Variants in OTOGL observed in about 807,000 individuals in gnomAD.
OTOGL encodes otogelin like, also known as otogelin-like protein.
In OTOGL, 285 loss-of-function variants were observed where a neutral mutation model predicts 318.5. That is an observed-to-expected ratio of 0.89 (90% CI 0.81 to 0.99). The LOEUF (loss-of-function observed/expected upper bound fraction) is 0.99, where lower values mean the gene tolerates loss of function less well. OTOGL is among the 50% of genes least tolerant of loss of function. The pLI, the probability that OTOGL is intolerant of heterozygous loss-of-function variation, is 0.00. For synonymous variants in OTOGL, 987 were observed against 936.5 expected (o/e 1.05, Z -0.99); for missense variants, 2,899 against 2,845.6 (o/e 1.02, Z -0.43).
In OTOGL at chr12:80,323,133, CACACACACACACACAT is replaced by C. The variant is rs1334466934; in HGVS notation, c.4082-588_4082-573del. ...ACACACACACACACACACACACACA[CACACACACACACACAT>C]ATATAAAATATTTTGAATTTTCCTC... On this transcript the variant is annotated intron_variant, in intron 34 of 58. Coordinates refer to ENST00000547103, the MANE Select transcript of OTOGL (RefSeq NM_001378609.3). Among the ~76,000 whole-genome samples the C allele has an allele frequency of 1.2e-3, 139 of 112,528 alleles. 2 individuals carry two copies. Among genetic ancestry groups the C allele is most frequent in the Admixed American group, 2.1e-3 (22 of 10,284 alleles). The allele number at this position is 112,528 out of a possible 152,430, so 73.8% of individuals were successfully genotyped here.
In OTOGL at chr12:80,146,075, C is replaced by G. The variant is rs189932719; in HGVS notation, c.-20+46470C>G. On this transcript the variant is annotated intron_variant, in intron 1 of 58. Transcript: ENST00000547103. ...TCCTTCTCCTGCCTAATTGCCCTGG[C>G]CAGAACTTCCAACACCCTGTTGAAT... Among the ~76,000 whole-genome samples, 65 of 150,892 alleles carry G rather than the reference C, an allele frequency of 4.3e-4. 1 individual carries two copies. The highest frequency in any genetic ancestry group is 1.6e-3 in the African/African-American group (64 of 40,182).
chr12:80,291,235 C>T (rs1885023266), intron 26 of OTOGL, among the ~76,000 whole-genome samples: 1 of 152,140 alleles, frequency 6.6e-6, no homozygotes, highest in Non-Finnish European at 1.5e-5. Context: ...AGTTTCTTTT[C>T]AAATGATATT....
At chr12:80,171,250 T>G (rs1397081425) in intron 1 of OTOGL, among the ~76,000 whole-genome samples, 2 of 152,114 alleles carry the variant, frequency 1.3e-5, no homozygotes, top group Non-Finnish European at 2.9e-5. Context: ...AATTTTTTTT[T>G]GTATTTTTTT....
At chr12:80,184,401 A>T (rs1875140308) in intron 1 of OTOGL, among the ~76,000 whole-genome samples, 2 of 152,186 alleles carry the variant, frequency 1.3e-5, no homozygotes, top group African/African-American at 4.8e-5. Context: ...ATTCTAGCTA[A>T]TGTAAAGGAG....
chr12:80,170,225 G>T (rs1874110280), intron 1 of OTOGL, among the ~76,000 whole-genome samples: 1 of 150,364 alleles, frequency 6.7e-6, no homozygotes, highest in Non-Finnish European at 1.5e-5. Flanking sequence ...ATGTATGTGT[G>T]TGTGTGTATG....
At chr12:80,356,722 T>G (rs1889926855) in intron 48 of OTOGL, 85 bp from the exon 49 acceptor site, 2 of 739,956 alleles carry the variant, frequency 2.7e-6, no homozygotes, top group Admixed American at 3.5e-5. Context: ...ATAAGTTATT[T>G]ATTACTAAAT....
rs531778137 is a variant in OTOGL, at chr12:80,307,630, C to A, written c.3333+1935C>A. On this transcript the variant is annotated intron_variant, in intron 29 of 58. Coordinates refer to ENST00000547103, the MANE Select transcript of OTOGL (RefSeq NM_001378609.3). ...GGCGGGGGGCTGACCCCCCCACCTC[C>A]CTCCTGGATGGGACGGCTGGCCGGG... 2.8e-5 allele frequency among the ~76,000 whole-genome samples: 4 copies of A among 143,728 alleles called. No homozygotes were observed. The South Asian group carries it at 8.9e-4, about 32-fold the overall frequency. 94.3% of individuals were successfully genotyped at this position (143,728 alleles called of 152,430 possible).
intron 1 of OTOGL, among the ~76,000 whole-genome samples, chr12:80,195,862 G>A (rs1876024984): frequency 6.6e-6 from 1 of 152,178 alleles, no homozygotes; most frequent in Non-Finnish European, 1.5e-5. Flanking sequence ...ACAAAGTAGG[G>A]TCCTCCCCTT....
rs1300056556 is a variant in OTOGL, at chr12:80,278,184, G to A, written c.2698G>A (p.Gly900Arg). ...VCAPGMAEHRGKCYVPESCPC... is the reference protein window; with the variant it reads ...VCAPGMAEHRRKCYVPESCPC... ...ATTTGGAAGAATGGCAGAGCACAGA[G>A]GAAAGTGTTATGTTCCTGAAAGCTG... The change falls in exon 25 of 59, where the codon GGA becomes AGA. Residue 900 changes from glycine to arginine, a missense_variant. Coordinates refer to ENST00000547103, the MANE Select transcript of OTOGL (RefSeq NM_001378609.3). The A allele has an allele frequency of 4.5e-6, 7 of 1,546,350 alleles. No individual in the cohort carries two copies. Among genetic ancestry groups the A allele is most frequent in the Non-Finnish European group, 5.2e-6 (6 of 1,143,880 alleles).
intron 49 of OTOGL, among the ~76,000 whole-genome samples, chr12:80,357,268 TA>T (rs1450962922): frequency 6.6e-6 from 1 of 152,158 alleles, no homozygotes; most frequent in Non-Finnish European, 1.5e-5. Flanking sequence ...AGGACGTCTT[TA>T]AAACTTCATG....
chr12:80,178,015 T>A (rs1352891587), intron 1 of OTOGL, among the ~76,000 whole-genome samples: 1 of 151,670 alleles, frequency 6.6e-6, no homozygotes, highest in Non-Finnish European at 1.5e-5. Context: ...TTCTTTTAGT[T>A]TTTTTCTGTT....
At chr12:80,168,165 C>G (rs1873951521) in intron 1 of OTOGL, among the ~76,000 whole-genome samples, 1 of 151,994 alleles carries the variant, frequency 6.6e-6, no homozygotes, top group African/African-American at 2.4e-5. Flanking sequence ...CCATGTTGTC[C>G]AGGCTGGTCT....
At chr12:80,177,571 A>T (rs950645539) in intron 1 of OTOGL, among the ~76,000 whole-genome samples, 1 of 152,082 alleles carries the variant, frequency 6.6e-6, no homozygotes, top group Admixed American at 6.6e-5. Context: ...CCTTTTTTTT[A>T]AATGAAAGTT....
At chr12:80,339,295 TCTG>T in intron 43 of OTOGL, 31 bp downstream of exon 43, 1 of 1,308,142 alleles carries the variant, frequency 7.6e-7, no homozygotes, top group Non-Finnish European at 1.0e-6. Context: ...CTTGATTTCG[TCTG>T]TTTTTTTTTT....
intron 1 of OTOGL, among the ~76,000 whole-genome samples, chr12:80,181,721 C>A (rs999798838): frequency 1.3e-5 from 2 of 152,024 alleles, no homozygotes; most frequent in African/African-American, 4.8e-5. Context: ...AGGGGTATGA[C>A]TGCAGCATGC....
intron 8 of OTOGL, among the ~76,000 whole-genome samples, chr12:80,231,244 G>T (rs759012582): frequency 1.3e-5 from 2 of 152,004 alleles, no homozygotes; most frequent in African/African-American, 4.8e-5. Flanking sequence ...ATTTCATATT[G>T]ACTTTTACTA....
intron 12 of OTOGL, 85 bp downstream of exon 12, chr12:80,251,884 T>A: frequency 8.1e-7 from 1 of 1,235,188 alleles, no homozygotes; most frequent in Non-Finnish European, 1.1e-6. Flanking sequence ...TACTACTCAA[T>A]ACTAATGAAT....
chr12:80,156,393 T>G (rs1873119202), intron 1 of OTOGL, among the ~76,000 whole-genome samples: 1 of 152,180 alleles, frequency 6.6e-6, no homozygotes, highest in Non-Finnish European at 1.5e-5. Context: ...GAGTCAATAC[T>G]CCTTAATAAA....
At chr12:80,247,259 C>A (rs1240174203) in intron 11 of OTOGL, among the ~76,000 whole-genome samples, 5 of 146,104 alleles carry the variant, frequency 3.4e-5, no homozygotes, top group South Asian at 2.1e-4. Flanking sequence ...TGATGTTAGG[C>A]TGTCAATTTT....
Sources: gnomAD v4.1 joint callset for allele counts (sites outside exome capture counted in the v4.1 genomes callset) on GRCh38, gnomAD v4.1.1 for gene constraint, MANE v1.5 for transcripts, NCBI Gene and HGNC (gene_info 2026-07-23, HGNC 2026-07-21) for gene names.